The following PRIM2 variants were observed in gnomAD, a reference collection of about 807,000 sequenced individuals.
PRIM2 encodes DNA primase large subunit.
PRIM2 carries 39 observed loss-of-function variants against 67.3 expected under a neutral mutation model. The observed-to-expected ratio is 0.58, with a 90% CI of 0.45 to 0.76. The LOEUF (loss-of-function observed/expected upper bound fraction) is 0.76, where lower values mean the gene tolerates loss of function less well. Ranked by LOEUF, PRIM2 falls within the 30% of genes least tolerant of loss-of-function variation. The pLI is 0.00. For missense variants in PRIM2, 398 were observed against 598.7 expected (o/e 0.66, Z 3.50); for synonymous variants, 143 against 198.7 (o/e 0.72, Z 2.36).
At chr6:57,531,187 C>G (rs1361850933) in intron 8 of PRIM2, among the ~76,000 whole-genome samples, 2 of 152,188 alleles carry the variant, frequency 1.3e-5, no homozygotes, top group Admixed American at 6.5e-5. Context: ...CAGTCTCGCT[C>G]TATAGCCTAG....
chr6:57,271,206 C>G, the PRIM2 span, among the ~76,000 whole-genome samples: 4 of 152,186 alleles, frequency 2.6e-5, no homozygotes, highest in South Asian at 2.1e-4. Context: ...AGGAATGGTA[C>G]CAGCTCCTCT....
chr6:57,565,567 C>T, intron 10 of PRIM2, among the ~76,000 whole-genome samples: 1 of 151,924 alleles, frequency 6.6e-6, no homozygotes, highest in East Asian at 1.9e-4. Context: ...GAGAATTCTC[C>T]CTTCACCTTT....
intron 7 of PRIM2, among the ~76,000 whole-genome samples, chr6:57,456,325 G>A (rs1431524650): frequency 1.3e-5 from 2 of 152,118 alleles, no homozygotes; most frequent in Non-Finnish European, 1.5e-5. Flanking sequence ...GAATTTGAAT[G>A]TTGGCCTTCC....
chr6:57,239,345 C>G, the PRIM2 span, among the ~76,000 whole-genome samples: 1 of 152,178 alleles, frequency 6.6e-6, no homozygotes, highest in East Asian at 1.9e-4. Flanking sequence ...ACGTATCATG[C>G]TATTTAATGT....
intron 12 of PRIM2, among the ~76,000 whole-genome samples, chr6:57,622,133 A>G (rs1776869024): frequency 6.6e-6 from 1 of 152,172 alleles, no homozygotes; most frequent in Non-Finnish European, 1.5e-5. Context: ...GGCTGTAGTA[A>G]AATGTACACC....
At chr6:57,440,742 A>G (rs1772177616) in intron 7 of PRIM2, among the ~76,000 whole-genome samples, 1 of 152,230 alleles carries the variant, frequency 6.6e-6, no homozygotes. Flanking sequence ...AAGGTTTTAC[A>G]GTAACTGTCT....
chr6:57,618,762 C>T (rs1776798027), intron 12 of PRIM2, among the ~76,000 whole-genome samples: 1 of 152,168 alleles, frequency 6.6e-6, no homozygotes, highest in Non-Finnish European at 1.5e-5. Flanking sequence ...CCACAGCAGC[C>T]ACAGCAAGAC....
At chr6:57,241,800 G>A in the PRIM2 span, among the ~76,000 whole-genome samples, 1 of 145,982 alleles carries the variant, frequency 6.9e-6, no homozygotes, top group African/African-American at 2.5e-5. Context: ...AACCTCCCAA[G>A]TAGCTGGGAC....
chr6:57,319,518 T>C (rs576939128), intron 2 of PRIM2, among the ~76,000 whole-genome samples: 6 of 152,206 alleles, frequency 3.9e-5, no homozygotes, highest in Admixed American at 2.6e-4. Context: ...TTAGAAAGCT[T>C]AGCAGTGTCA....
the PRIM2 span, chr6:57,222,135 G>A: frequency 6.6e-6 from 1 of 152,234 alleles, no homozygotes; most frequent in African/African-American, 2.4e-5. Flanking sequence ...CTGCGGGGCC[G>A]AGCGGCTAGT....
the PRIM2 span, among the ~76,000 whole-genome samples, chr6:57,268,959 G>A: frequency 9.1e-4 from 130 of 142,892 alleles, no homozygotes; most frequent in Middle Eastern, 3.6e-3. Flanking sequence ...CAAAGGACAT[G>A]AACTCATCAT....
At chr6:57,221,779 C>T in the PRIM2 span, 1 of 152,328 alleles carries the variant, frequency 6.6e-6, no homozygotes, top group Non-Finnish European at 1.5e-5. Context: ...CCTTCTCTAG[C>T]TGGAACTTGG....
At position 57,609,370 on chromosome 6, in the gene PRIM2, A is replaced by G. The variant is rs1776623016; in HGVS notation, c.1230+2913A>G. On this transcript the variant is annotated intron_variant, in intron 12 of 13. Transcript: ENST00000615550. ...ACTGGTCTTACTCTTCCTTGTAAAT[A>G]AAGTAAGGTCATCAGCTGGAGAGTA... Among the ~76,000 whole-genome samples, 8 of 152,342 alleles carry G rather than the reference A, an allele frequency of 5.3e-5. No homozygotes were observed. The South Asian group carries it at 1.7e-3, about 32-fold the overall frequency.
chr6:57,454,261 G>A (rs1772671447), intron 7 of PRIM2, among the ~76,000 whole-genome samples: 1 of 152,036 alleles, frequency 6.6e-6, no homozygotes, highest in African/African-American at 2.4e-5. Flanking sequence ...TTTTTGTTTT[G>A]TCTCTGACAG....
At chr6:57,271,933 C>T in the PRIM2 span, among the ~76,000 whole-genome samples, 1 of 152,198 alleles carries the variant, frequency 6.6e-6, no homozygotes, top group Non-Finnish European at 1.5e-5. Context: ...CGTAGTTGAG[C>T]AGATTTGAGT....
rs915709495 is a variant in PRIM2, at chr6:57,361,899, G to C, written c.460-18002G>C. On this transcript the variant is annotated intron_variant, in intron 5 of 13. Transcript: ENST00000615550. ...TAATATGGTCTACAAGGGTTATAGG[G>C]GGAAAAAAAAGTGGGCATTGCCATG... Among the ~76,000 whole-genome samples the C allele has an allele frequency of 5.3e-5, 8 of 151,952 alleles. 1 individual carries two copies. The South Asian group carries it at 1.7e-3, about 32-fold the overall frequency.
At chr6:57,530,301 A>C in intron 8 of PRIM2, among the ~76,000 whole-genome samples, 1 of 152,336 alleles carries the variant, frequency 6.6e-6, no homozygotes, top group East Asian at 1.9e-4. Context: ...GCAAAGGAAA[A>C]GGACTTTGAG....
chr6:57,309,986 TAC>T (rs1767351220), upstream of PRIM2, among the ~76,000 whole-genome samples: 1 of 152,050 alleles, frequency 6.6e-6, no homozygotes, highest in Non-Finnish European at 1.5e-5. Flanking sequence ...CAAAAGAAAC[TAC>T]CATCAGAGTG....
intron 5 of PRIM2, among the ~76,000 whole-genome samples, chr6:57,340,009 A>AG (rs199675512): frequency 0.06 from 9,114 of 151,892 alleles, 372 homozygotes; most frequent in Admixed American, 0.1. Context: ...CAAATTTATG[A>AG]GGAAAAAAAA....
Sources: gnomAD v4.1 joint callset for allele counts (sites outside exome capture counted in the v4.1 genomes callset) on GRCh38, gnomAD v4.1.1 for gene constraint, MANE v1.5 for transcripts, NCBI Gene and HGNC (gene_info 2026-07-23, HGNC 2026-07-21) for gene names.